The following FHAD1 variants were observed in gnomAD, a reference collection of about 807,000 sequenced individuals.
FHAD1 encodes forkhead associated phosphopeptide binding domain 1.
A neutral mutation model predicts 191.3 loss-of-function variants in FHAD1; 146 were observed. The observed-to-expected ratio is 0.76, with a 90% CI of 0.67 to 0.88. The LOEUF is 0.88. Ranked by LOEUF, FHAD1 falls within the 40% of genes least tolerant of loss-of-function variation. The pLI, the probability that FHAD1 is intolerant of heterozygous loss-of-function variation, is 0.00. For missense variants in FHAD1, 1,635 were observed against 1,785.8 expected, an observed-to-expected ratio of 0.92 and a Z score of 1.52; for synonymous variants, 616 against 672.3, an observed-to-expected ratio of 0.92 and a Z score of 1.29.
intron 1 of FHAD1, among the ~76,000 whole-genome samples, chr1:15,238,298 C>A (rs567716915): frequency 6.9e-6 from 1 of 145,196 alleles, no homozygotes; most frequent in South Asian, 2.2e-4. Context: ...GAAGAGAATG[C>A]AGATGGCAGT....
intron 1 of FHAD1, among the ~76,000 whole-genome samples, chr1:15,247,837 C>T (rs1464096006): frequency 6.6e-6 from 1 of 152,190 alleles, no homozygotes; most frequent in Non-Finnish European, 1.5e-5. Flanking sequence ...AGAAATTTTG[C>T]TTCTCTATCT....
chr1:15,346,545 C>T (rs1481451645), intron 18 of FHAD1, among the ~76,000 whole-genome samples: 1 of 152,208 alleles, frequency 6.6e-6, no homozygotes, highest in African/African-American at 2.4e-5. Flanking sequence ...GTGGCCAGAA[C>T]CACTGTTCTC....
chr1:15,265,776 AG>A (rs1653148405), intron 2 of FHAD1, among the ~76,000 whole-genome samples: 1 of 152,116 alleles, frequency 6.6e-6, no homozygotes, highest in Non-Finnish European at 1.5e-5. Flanking sequence ...GTTTGAGACC[AG>A]CCTGGCTAAC....
intron 2 of FHAD1, among the ~76,000 whole-genome samples, chr1:15,254,218 GT>G (rs1418489735): frequency 6.6e-6 from 1 of 152,182 alleles, no homozygotes; most frequent in African/African-American, 2.4e-5. Context: ...AGTGATCTCT[GT>G]TTTGAACTGG....
chr1:15,347,238 C>G (rs1431421581), intron 18 of FHAD1, among the ~76,000 whole-genome samples: 1 of 152,086 alleles, frequency 6.6e-6, no homozygotes, highest in Non-Finnish European at 1.5e-5. Flanking sequence ...AGTCAAATGC[C>G]CCAAGATGTC....
chr1:15,270,458 G>A (rs994779023), intron 2 of FHAD1, among the ~76,000 whole-genome samples: 16 of 152,144 alleles, frequency 1.1e-4, no homozygotes, highest in African/African-American at 3.4e-4. Context: ...TACCAAATGG[G>A]AAACTATCTC....
chr1:15,363,627 TTC>T, intron 23 of FHAD1: 1 of 373,888 alleles, frequency 2.7e-6, no homozygotes, highest in South Asian at 2.0e-5. Context: ...AGACAGAGAT[TTC>T]AAACAGTGGA....
intron 1 of FHAD1, among the ~76,000 whole-genome samples, chr1:15,239,323 A>C (rs1313590669): frequency 6.6e-6 from 1 of 152,166 alleles, no homozygotes; most frequent in African/African-American, 2.4e-5. Context: ...GCACTGGGCC[A>C]TGCCTGTAAT....
At chr1:15,366,014 G>T (rs34038275) in intron 24 of FHAD1, 81 bp downstream of exon 24, 53,531 of 982,156 alleles carry the variant, frequency 0.055, 1,709 homozygotes, top group Middle Eastern at 0.075. Context: ...TCGGCCGGGC[G>T]CAGTGGCGCA....
chr1:15,398,723 A>G (rs1315380432), downstream of FHAD1, among the ~76,000 whole-genome samples: 1 of 151,502 alleles, frequency 6.6e-6, no homozygotes, highest in Non-Finnish European at 1.5e-5. Flanking sequence ...TGCTCCTTCC[A>G]AGTTCTGCCT....
At chr1:15,346,460 G>A (rs534630963) in intron 18 of FHAD1, among the ~76,000 whole-genome samples, 1 of 152,096 alleles carries the variant, frequency 6.6e-6, no homozygotes, top group East Asian at 1.9e-4. Context: ...CACAGCCCAC[G>A]TCATTTTTGG....
rs72879956 is a variant in FHAD1 at position 15,388,966 on chromosome 1, G to A, written c.4269+835G>A. ...AAAGTTCAGTAAAGCAGATCTGTAC[G>A]GGGCTGGGCTCTGCTCTCCAGTGCT... On this transcript the variant is annotated intron_variant, in intron 32 of 33. Coordinates refer to ENST00000688493, the MANE Select transcript of FHAD1 (RefSeq NM_001391957.1). Among the ~76,000 whole-genome samples, 1,391 of 152,240 alleles carry A rather than the reference G, an allele frequency of 9.1e-3. 17 individuals are homozygous for A. The highest frequency in any genetic ancestry group is 0.032 in the African/African-American group (1,319 of 41,518).
intron 4 of FHAD1, among the ~76,000 whole-genome samples, chr1:15,295,097 A>G (rs1024499186): frequency 6.6e-6 from 1 of 152,156 alleles, no homozygotes; most frequent in Non-Finnish European, 1.5e-5. Context: ...ATGAAGGTCA[A>G]TATATTTACT....
At chr1:15,336,916 C>T (rs1477712027) in intron 14 of FHAD1, among the ~76,000 whole-genome samples, 1 of 152,252 alleles carries the variant, frequency 6.6e-6, no homozygotes, top group East Asian at 1.9e-4. Flanking sequence ...CCTTCACCAA[C>T]TCCTATCCCT....
intron 1 of FHAD1, among the ~76,000 whole-genome samples, chr1:15,240,630 CAAAAAAAA>C (rs34684294): frequency 9.1e-6 from 1 of 109,874 alleles, no homozygotes; most frequent in South Asian, 3.2e-4. Flanking sequence ...GACCCTGTCT[CAAAAAAAA>C]AAAAAAAAAG....
chr1:15,369,292 T>C (rs1340706043), intron 25 of FHAD1, 78 bp from the exon 26 acceptor site: 3 of 1,432,560 alleles, frequency 2.1e-6, no homozygotes, highest in Middle Eastern at 1.8e-4. Context: ...TAGAGCTCCA[T>C]GTCCTGGTCT....
chr1:15,279,082 G>T (rs1319049701), intron 3 of FHAD1, among the ~76,000 whole-genome samples: 1 of 152,040 alleles, frequency 6.6e-6, no homozygotes, highest in Non-Finnish European at 1.5e-5. Flanking sequence ...CCTGTGGTTG[G>T]TTCCTTGGTC....
In FHAD1 at chr1:15,289,678, G is replaced by A; in HGVS notation, c.568+12G>A. The A allele has an allele frequency of 6.5e-7, 1 of 1,538,942 alleles. No individual in the cohort carries two copies. The highest frequency in any genetic ancestry group is 8.8e-7 in the Non-Finnish European group (1 of 1,136,974). On this transcript the variant is annotated intron_variant, in intron 4 of 33. Coordinates refer to ENST00000688493, the MANE Select transcript of FHAD1 (RefSeq NM_001391957.1). The surrounding 1 kb of genome is among the most constrained non-coding windows in gnomAD (Gnocchi z 4.2). The stretch of plus-strand genomic sequence containing the variant: ...CGTCATCAAGCAAGGTATGCGTCAG[G>A]GCTGCCATTGGTGGCTTGGGGGTGG...
intron 14 of FHAD1, among the ~76,000 whole-genome samples, chr1:15,332,173 A>G (rs905528784): frequency 1.3e-5 from 2 of 152,186 alleles, no homozygotes; most frequent in African/African-American, 4.8e-5. Flanking sequence ...TCCCCTCATC[A>G]TATAGCAGAG....
Sources: gnomAD v4.1 joint callset for allele counts (sites outside exome capture counted in the v4.1 genomes callset) on GRCh38, gnomAD v4.1.1 for gene constraint, Gnocchi (gnomAD v3.1) non-coding constraint, MANE v1.5 for transcripts, NCBI Gene and HGNC (gene_info 2026-07-23, HGNC 2026-07-21) for gene names.